Variants in RANBP17 observed in about 807,000 individuals in gnomAD.
The protein encoded by RANBP17 is ran-binding protein 17.
A neutral mutation model predicts 141.2 loss-of-function variants in RANBP17; 158 were observed. The ratio of observed to expected loss-of-function variants is 1.12; its 90% CI spans 0.98 to 1.28. The LOEUF (loss-of-function observed/expected upper bound fraction) is 1.28, where lower values mean the gene tolerates loss of function less well. Among genes scored for constraint, RANBP17 ranks in the 50% most tolerant of loss-of-function variants. The pLI is 0.00. For synonymous variants in RANBP17, 430 were observed against 450.0 expected (o/e 0.96, Z 0.56); for missense variants, 1,438 against 1,290.7 (o/e 1.11, Z -1.75).
chr5:170,990,769 T>C (rs1318202652), intron 14 of RANBP17, among the ~76,000 whole-genome samples: 1 of 151,842 alleles, frequency 6.6e-6, no homozygotes, highest in Non-Finnish European at 1.5e-5. Context: ...ATGAAGAAAT[T>C]GATATAAAGT....
At chr5:171,109,482 C>T (rs990695167) in intron 14 of RANBP17, among the ~76,000 whole-genome samples, 1 of 152,074 alleles carries the variant, frequency 6.6e-6, no homozygotes, top group Non-Finnish European at 1.5e-5. Context: ...AAATGACAGT[C>T]GTCCCTCAGT....
intron 14 of RANBP17, among the ~76,000 whole-genome samples, chr5:171,109,908 GTT>G (rs1755101571): frequency 6.6e-6 from 1 of 152,140 alleles, no homozygotes; most frequent in Non-Finnish European, 1.5e-5. Context: ...ATAGGATAGA[GTT>G]TTAATAACTT....
intron 24 of RANBP17, among the ~76,000 whole-genome samples, chr5:171,261,954 A>G (rs1347652089): frequency 2.0e-5 from 3 of 152,174 alleles, no homozygotes; most frequent in Admixed American, 6.5e-5. Context: ...TGAAAATAAC[A>G]TTTATCTTTT....
chr5:170,984,029 G>C (rs1471661134), intron 14 of RANBP17, among the ~76,000 whole-genome samples: 1 of 152,136 alleles, frequency 6.6e-6, no homozygotes, highest in Non-Finnish European at 1.5e-5. Context: ...GCATTACAGA[G>C]CCTAACATTA....
chr5:171,000,280 T>C (rs1779111787), intron 14 of RANBP17, among the ~76,000 whole-genome samples: 1 of 152,160 alleles, frequency 6.6e-6, no homozygotes, highest in Non-Finnish European at 1.5e-5. Context: ...TAATTTTGTG[T>C]TTATTTTTTT....
intron 14 of RANBP17, among the ~76,000 whole-genome samples, chr5:170,970,178 C>G (rs1383458422): frequency 6.6e-6 from 1 of 151,608 alleles, no homozygotes; most frequent in Non-Finnish European, 1.5e-5. Context: ...ACTATATATA[C>G]AATTTTTTTA....
At position 171,225,920 on chromosome 5, in the gene RANBP17, T is replaced by G. The variant is rs577947218; in HGVS notation, c.2422+4080T>G. Among the ~76,000 whole-genome samples the G allele has an allele frequency of 1.6e-4, 24 of 152,332 alleles. No individual in the cohort carries two copies. The South Asian group carries it at 4.8e-3, about 30-fold the overall frequency. On this transcript the variant is annotated intron_variant, in intron 22 of 27. Transcript: ENST00000523189. ...TTCAGCTCTCAGCTCCTCTTGCCGT[T>G]ACAGCTCAGGGTCAGCAATGAGGTT... is the stretch of plus-strand genomic sequence containing the variant.
At chr5:171,233,541 G>A (rs1431000215) in intron 22 of RANBP17, among the ~76,000 whole-genome samples, 1 of 151,898 alleles carries the variant, frequency 6.6e-6, no homozygotes, top group Non-Finnish European at 1.5e-5. Flanking sequence ...CCCAGACAAT[G>A]GAATGTTATT....
intron 14 of RANBP17, among the ~76,000 whole-genome samples, chr5:171,065,685 A>T (rs547318634): frequency 3.9e-5 from 6 of 152,250 alleles, no homozygotes; most frequent in South Asian, 4.1e-4. Flanking sequence ...ATTGGATCTA[A>T]TTCTAGAAAT....
At chr5:171,167,308 T>C (rs142811873) in intron 14 of RANBP17, among the ~76,000 whole-genome samples, 59 of 152,268 alleles carry the variant, frequency 3.9e-4, no homozygotes, top group Non-Finnish European at 7.8e-4. Context: ...CATTTTAAAA[T>C]GCATAATAAA....
At chr5:171,261,814 G>A (rs1766349097) in intron 24 of RANBP17, among the ~76,000 whole-genome samples, 4 of 152,114 alleles carry the variant, frequency 2.6e-5, no homozygotes. Context: ...ATCATGATTT[G>A]AATCTCACAT....
chr5:171,102,666 GA>G (rs1213622382), intron 14 of RANBP17, among the ~76,000 whole-genome samples: 4 of 152,072 alleles, frequency 2.6e-5, no homozygotes, highest in Non-Finnish European at 5.9e-5. Context: ...CTTTGGAAGA[GA>G]AGAGGCATTC....
At chr5:171,181,203 T>C (rs1423015767) in intron 16 of RANBP17, among the ~76,000 whole-genome samples, 2 of 152,072 alleles carry the variant, frequency 1.3e-5, no homozygotes, top group African/African-American at 4.8e-5. Context: ...AAAAACCCAG[T>C]GCTTTGTGGC....
chr5:171,089,081 C>T (rs1333503931), intron 14 of RANBP17, among the ~76,000 whole-genome samples: 9 of 151,778 alleles, frequency 5.9e-5, no homozygotes, highest in African/African-American at 2.2e-4. Flanking sequence ...GTTTTTTCCC[C>T]ATCTTTGTGG....
intron 12 of RANBP17, 134 bp from the exon 13 acceptor site, chr5:170,953,463 C>T (rs1775360652): frequency 1.3e-5 from 8 of 602,750 alleles, no homozygotes; most frequent in South Asian, 8.6e-5. Context: ...TGCTTTCTAT[C>T]CAGAACTGAG....
In RANBP17 at chr5:170,962,920, G is replaced by A. The variant is rs554839391; in HGVS notation, c.1575-5322G>A. Among the ~76,000 whole-genome samples the A allele has an allele frequency of 8.5e-5, 13 of 152,194 alleles. No individual in the cohort carries two copies. In the East Asian group the frequency reaches 1.2e-3, roughly 14 times the overall value. On this transcript the variant is annotated intron_variant, in intron 13 of 27. Coordinates refer to ENST00000523189, the MANE Select transcript of RANBP17 (RefSeq NM_022897.5). ...ACGTAGCAAGTTTTTAAAAATTTTC[G>A]TATGCTGTGACCTAGACGTTTTGTT...
intron 5 of RANBP17, 157 bp downstream of exon 5, chr5:170,896,272 C>T: frequency 1.7e-6 from 1 of 575,354 alleles, no homozygotes; most frequent in Non-Finnish European, 3.1e-6. Context: ...TATTGATGGG[C>T]TAATTAAGTG....
chr5:171,111,476 C>T (rs1346801265), intron 14 of RANBP17, among the ~76,000 whole-genome samples: 1 of 152,144 alleles, frequency 6.6e-6, no homozygotes, highest in African/African-American at 2.4e-5. Context: ...TCCCCTAATT[C>T]TAGTCTTGGC....
intron 14 of RANBP17, among the ~76,000 whole-genome samples, chr5:171,132,589 G>A (rs928135985): frequency 2.6e-5 from 4 of 152,004 alleles, no homozygotes; most frequent in African/African-American, 9.7e-5. Context: ...AGGTATGGTG[G>A]TGCATGCCTG....
Sources: allele counts gnomAD v4.1 joint callset (sites outside exome capture counted in the v4.1 genomes callset), GRCh38; gene constraint gnomAD v4.1.1; transcripts MANE v1.5; gene names NCBI Gene and HGNC (gene_info 2026-07-23, HGNC 2026-07-21).